Variants in MECOM observed in about 807,000 individuals in gnomAD.
MECOM encodes histone-lysine N-methyltransferase MECOM.
MECOM carries 13 observed loss-of-function variants against 116.3 expected under a neutral mutation model. The ratio of observed to expected loss-of-function variants is 0.11; its 90% CI spans 0.07 to 0.18. The LOEUF (loss-of-function observed/expected upper bound fraction) is 0.18. MECOM is among the 10% of genes least tolerant of loss of function. The pLI, the probability that MECOM is intolerant of heterozygous loss-of-function variation, is 1.00. For missense variants in MECOM, 1,299 were observed against 1,509.0 expected (o/e 0.86, Z 2.31); for synonymous variants, 528 against 535.2 (o/e 0.99, Z 0.19).
intron 14 of MECOM, 35 bp from the exon 15 acceptor site, chr3:169,090,271 G>A: frequency 6.4e-7 from 1 of 1,553,434 alleles, no homozygotes; most frequent in Non-Finnish European, 8.7e-7. Flanking sequence ...TCCAATTGTT[G>A]GTTTCATTTT....
intron 1 of MECOM, among the ~76,000 whole-genome samples, chr3:169,391,695 G>T (rs1734220381): frequency 6.6e-6 from 1 of 151,822 alleles, no homozygotes; most frequent in African/African-American, 2.4e-5. Flanking sequence ...TTTGAGAGGG[G>T]GTAATTTCAA....
chr3:169,100,857 A>G, intron 12 of MECOM, 28 bp downstream of exon 12: 1 of 1,299,550 alleles, frequency 7.7e-7, no homozygotes. Flanking sequence ...ATATTTATCA[A>G]GATATTTAGC....
intron 2 of MECOM, among the ~76,000 whole-genome samples, chr3:169,327,960 G>A (rs1483822109): frequency 4.6e-5 from 7 of 152,150 alleles, no homozygotes; most frequent in African/African-American, 1.7e-4. Flanking sequence ...GAGAGATAAG[G>A]TGATTTCTCT....
At chr3:169,145,524 CA>C (rs1012696385) in intron 2 of MECOM, 22 of 218,064 alleles carry the variant, frequency 1.0e-4, no homozygotes, top group Middle Eastern at 1.3e-3. Flanking sequence ...CCTTGACTGG[CA>C]AAAAAAAGAA....
At chr3:169,270,710 C>T (rs954553316) in intron 2 of MECOM, among the ~76,000 whole-genome samples, 4 of 151,722 alleles carry the variant, frequency 2.6e-5, no homozygotes, top group Admixed American at 2.0e-4. Context: ...TAAATTTAAT[C>T]GTATAAATTT....
intron 1 of MECOM, among the ~76,000 whole-genome samples, chr3:169,544,304 C>T: frequency 6.6e-6 from 1 of 152,192 alleles, no homozygotes; most frequent in Non-Finnish European, 1.5e-5. Flanking sequence ...TCATCATCAT[C>T]AAAGTGACAA....
intron 2 of MECOM, among the ~76,000 whole-genome samples, chr3:169,227,677 G>C (rs1428897039): frequency 6.6e-6 from 1 of 152,196 alleles, no homozygotes; most frequent in Non-Finnish European, 1.5e-5. Context: ...GCGTTGGAAA[G>C]GGGGAATGGG....
intron 1 of MECOM, among the ~76,000 whole-genome samples, chr3:169,576,832 CACACACAG>C (rs1350864850): frequency 2.4e-4 from 25 of 102,056 alleles, no homozygotes; most frequent in East Asian, 1.1e-3. Flanking sequence ...CACACACACA[CACACACAG>C]AGAGAGAGAG....
Position 169,663,520 on chromosome 3 carries a change from CTCTCTCTCT to C in MECOM, c.-157_-149del, listed in dbSNP as rs1776612067. On this transcript the variant is annotated 5_prime_UTR_variant, in exon 1 of 17. Transcript: ENST00000651503. ...TCTCTCTCTCTCTCTCTCTCTCTCTCTCTCTCTCTCCCTCCCTCCTGTTTCTCTCCTGTT... is the reference window on the plus strand; with the variant it reads ...TCTCTCTCTCTCTCTCTCTCTCTCTCCCCTCCCTCCTGTTTCTCTCCTGTT... The C allele has an allele frequency of 3.9e-5, 26 of 669,320 alleles. No homozygotes were observed. Among genetic ancestry groups the C allele is most frequent in the Non-Finnish European group, 6.3e-5 (24 of 380,538 alleles). The allele number at this position is 669,320 out of a possible 1,614,324, so 41.5% of individuals were successfully genotyped here.
At chr3:169,149,734 T>G (rs374138289) in intron 2 of MECOM, 1 of 457,720 alleles carries the variant, frequency 2.2e-6, no homozygotes, top group South Asian at 1.6e-5. Flanking sequence ...ACGCTTACCC[T>G]CCGAGACCTT....
chr3:169,616,582 C>A (rs1770040383), intron 1 of MECOM, among the ~76,000 whole-genome samples: 1 of 152,178 alleles, frequency 6.6e-6, no homozygotes, highest in Admixed American at 6.5e-5. Flanking sequence ...TCAGGTGATG[C>A]ACCAGCCTCA....
intron 2 of MECOM, among the ~76,000 whole-genome samples, chr3:169,227,428 A>G (rs538607041): frequency 3.9e-5 from 6 of 152,280 alleles, no homozygotes; most frequent in African/African-American, 1.4e-4. Flanking sequence ...CTACACCAGA[A>G]ATTTATTTGC....
chr3:169,527,876 C>T (rs1419086192), intron 1 of MECOM, among the ~76,000 whole-genome samples: 2 of 152,196 alleles, frequency 1.3e-5, no homozygotes, highest in African/African-American at 2.4e-5. Context: ...CACTGTGATA[C>T]GGGCTCTCTC....
Position 169,116,401 on chromosome 3 carries a change from A to G in MECOM, c.1471T>C (p.Phe491Leu). 1 of 1,614,216 alleles carries G rather than the reference A, an allele frequency of 6.2e-7. No homozygotes were observed. Among genetic ancestry groups the G allele is most frequent in the South Asian group, 1.1e-5 (1 of 91,082 alleles). Residue 491 changes from phenylalanine to leucine, a missense_variant, in exon 8 of 17, where the codon TTC becomes CTC. Around this residue, in one of 6 missense-constraint regions of MECOM, gnomAD observed 238 missense variants for 273.1 expected, o/e 0.87. Coordinates refer to ENST00000651503, the MANE Select transcript of MECOM (RefSeq NM_004991.4). ...FPTAPGFSFS[F>L]PGLFPSGLYH... ...AAGCCGGAAGGAAACAGACCAGGGA[A>G]GCTAAAAGAAAATCCAGGAGCTGTT...
intron 2 of MECOM, chr3:169,146,481 G>A (rs1739965405): frequency 7.2e-7 from 1 of 1,382,868 alleles, no homozygotes; most frequent in African/African-American, 1.5e-5. Context: ...ACCCACCGAA[G>A]GCCGGACGAC....
chr3:169,485,875 GTA>G (rs112845871), intron 1 of MECOM, among the ~76,000 whole-genome samples: 59,378 of 124,784 alleles, frequency 0.48, 14,875 homozygotes, highest in South Asian at 0.6. Context: ...TAGTATATAT[GTA>G]TATATATGTA....
intron 2 of MECOM, among the ~76,000 whole-genome samples, chr3:169,230,063 T>C (rs1372722579): frequency 6.6e-6 from 1 of 152,176 alleles, no homozygotes; most frequent in Non-Finnish European, 1.5e-5. Flanking sequence ...TACTTGAATA[T>C]ACAAATACTC....
chr3:169,416,592 G>A (rs1018092991), intron 1 of MECOM, among the ~76,000 whole-genome samples: 1 of 150,810 alleles, frequency 6.6e-6, no homozygotes. Flanking sequence ...TCCAGGAGCT[G>A]TTTTTTTTTA....
chr3:169,648,979 C>T (rs1774522305), intron 1 of MECOM, among the ~76,000 whole-genome samples: 1 of 152,172 alleles, frequency 6.6e-6, no homozygotes, highest in African/African-American at 2.4e-5. Flanking sequence ...GGAAAGTTTG[C>T]TCTAACTGCA....
Sources: gnomAD v4.1 joint callset for allele counts (sites outside exome capture counted in the v4.1 genomes callset) on GRCh38, gnomAD v4.1.1 for gene constraint, gnomAD v4.1.1 regional missense constraint, MANE v1.5 for transcripts, NCBI Gene and HGNC (gene_info 2026-07-23, HGNC 2026-07-21) for gene names.